NIPBL: variants seen among roughly 807,000 people sequenced by gnomAD.
NIPBL encodes the protein NIPBL cohesin loading factor, also known as nipped-B-like protein.
NIPBL carries 19 observed loss-of-function variants against 321.8 expected under a neutral mutation model. The ratio of observed to expected loss-of-function variants is 0.06; its 90% CI spans 0.04 to 0.09. NIPBL has a LOEUF of 0.09. Among genes scored for constraint, NIPBL ranks in the 10% least tolerant of loss-of-function variants. The pLI is 1.00. For missense variants in NIPBL, 2,210 were observed against 3,327.0 expected, an observed-to-expected ratio of 0.66 and a Z score of 8.26; for synonymous variants, 1,106 against 1,114.1, an observed-to-expected ratio of 0.99 and a Z score of 0.14.
chr5:36,961,373 A>G, intron 4 of NIPBL, 111 bp from the exon 5 acceptor site: 2 of 743,576 alleles, frequency 2.7e-6, no homozygotes, highest in Non-Finnish European at 4.8e-6. Flanking sequence ...AAATGAAAAC[A>G]TTGATCAAAA....
chr5:36,885,853 C>T (rs536002372), intron 1 of NIPBL: 13 of 709,100 alleles, frequency 1.8e-5, no homozygotes, highest in South Asian at 9.7e-5. Context: ...AGGAGAACCA[C>T]GAAGAGGAAG....
intron 1 of NIPBL, among the ~76,000 whole-genome samples, chr5:36,896,848 C>T (rs369163665): frequency 1.3e-5 from 2 of 152,252 alleles, no homozygotes; most frequent in East Asian, 3.9e-4. Context: ...GATCTGCCTG[C>T]CTTAGCCTCC....
intron 10 of NIPBL, among the ~76,000 whole-genome samples, chr5:36,987,476 G>A (rs988785180): frequency 3.3e-5 from 5 of 152,120 alleles, no homozygotes; most frequent in Non-Finnish European, 5.9e-5. Context: ...CAGTGTATTA[G>A]GAGATACAAA....
At chr5:36,970,803 T>A (rs1742768994) in intron 6 of NIPBL, 73 bp from the exon 7 acceptor site, 1 of 1,282,340 alleles carries the variant, frequency 7.8e-7, no homozygotes, top group Non-Finnish European at 1.1e-6. Context: ...TTAAAATATT[T>A]GTGAATAATT....
At chr5:36,981,691 G>A (rs528976865) in intron 9 of NIPBL, among the ~76,000 whole-genome samples, 1 of 151,716 alleles carries the variant, frequency 6.6e-6, no homozygotes, top group East Asian at 1.9e-4. Context: ...TGTCAAAGAG[G>A]GGGTTCCTTT....
At chr5:37,009,531 C>A (rs1289995975) in intron 20 of NIPBL, among the ~76,000 whole-genome samples, 3 of 152,106 alleles carry the variant, frequency 2.0e-5, no homozygotes, top group African/African-American at 7.2e-5. Context: ...TACTGATAAA[C>A]ATTTATTGTC....
chr5:36,896,455 A>C (rs1232988158), intron 1 of NIPBL, among the ~76,000 whole-genome samples: 2 of 152,180 alleles, frequency 1.3e-5, no homozygotes, highest in African/African-American at 4.8e-5. Context: ...ATTTTCTGCA[A>C]AATAGGCAGC....
intron 30 of NIPBL, 146 bp from the exon 31 acceptor site, chr5:37,026,083 A>C: frequency 1.6e-6 from 1 of 606,226 alleles, no homozygotes; most frequent in Non-Finnish European, 3.0e-6. Context: ...TTTAGAAAAA[A>C]CTGAGGAAAT....
chr5:36,993,183 T>A (rs540249438), intron 10 of NIPBL, among the ~76,000 whole-genome samples: 2 of 152,314 alleles, frequency 1.3e-5, no homozygotes, highest in South Asian at 4.1e-4. Flanking sequence ...TGAAACAGCG[T>A]TCACTTTTGG....
Position 36,996,699 on chromosome 5 carries a change from T to A in NIPBL, c.3304+895T>A. ...AGTGGAAACAGACTATGGGAGATCT[T>A]CACTTGTGTGCCAACTGACTTAGTC... On this transcript the variant is annotated intron_variant, in intron 11 of 46. Transcript: ENST00000282516. This position sits in a 1 kb window ranked among gnomAD's most constrained non-coding sequence, Gnocchi z 5.0. 6.2e-6 allele frequency: 2 copies of A among 323,658 alleles called. No individual in the cohort carries two copies. The highest frequency in any genetic ancestry group is 2.4e-5 in the South Asian group (1 of 41,086). 20.0% of individuals were successfully genotyped at this position (323,658 alleles called of 1,614,324 possible). A position where few individuals can be genotyped will look rare whatever the true frequency, so the allele number is the denominator to read the frequency against.
chr5:36,963,268 T>C (rs891507196), intron 6 of NIPBL, among the ~76,000 whole-genome samples: 2 of 152,278 alleles, frequency 1.3e-5, no homozygotes, highest in African/African-American at 4.8e-5. Context: ...TTGTCCTCCT[T>C]AATTAACAGC....
intron 30 of NIPBL, among the ~76,000 whole-genome samples, chr5:37,025,126 G>A (rs749358187): frequency 1.5e-4 from 23 of 152,154 alleles, no homozygotes; most frequent in Non-Finnish European, 3.1e-4. Flanking sequence ...AGTAGAGCAT[G>A]CCTATAGTTC....
In NIPBL at chr5:37,046,157, C is replaced by T; in HGVS notation, c.6547C>T (p.His2183Tyr). 4 of 1,582,920 alleles carry T rather than the reference C, an allele frequency of 2.5e-6. No individual in the cohort carries two copies. Among genetic ancestry groups the T allele is most frequent in the Non-Finnish European group, 3.5e-6 (4 of 1,151,792 alleles). The change falls in exon 38 of 47, where the codon CAC (histidine) becomes TAC (tyrosine). Residue 2183 changes from histidine to tyrosine, a missense_variant. His to Tyr is a moderately conservative substitution (Grantham distance 83, BLOSUM62 2). Transcript: ENST00000282516. Reference sequence around the variant, plus strand: ...TGAACTATTGATGTATTTTACAAAACACTCAGATGAAGAAGTACAAACAAA... The same window carrying T: ...TGAACTATTGATGTATTTTACAAAATACTCAGATGAAGAAGTACAAACAAA... ...VLELLMYFTK[H>Y]SDEEVQTKAI...
chr5:36,942,988 C>A (rs569355918), intron 1 of NIPBL, among the ~76,000 whole-genome samples: 37 of 151,968 alleles, frequency 2.4e-4, no homozygotes, highest in African/African-American at 8.9e-4. Context: ...CCGCAGTAAT[C>A]TTTAGTTAAA....
At chr5:36,964,426 CA>C (rs1741984835) in intron 6 of NIPBL, among the ~76,000 whole-genome samples, 1 of 151,944 alleles carries the variant, frequency 6.6e-6, no homozygotes, top group Admixed American at 6.6e-5. Context: ...ATAGAGAATC[CA>C]GATATAAATA....
At chr5:37,003,213 A>G (rs745546604) in intron 15 of NIPBL, 48 bp from the exon 16 acceptor site, 2 of 1,059,868 alleles carry the variant, frequency 1.9e-6, no homozygotes, top group Non-Finnish European at 3.0e-6. Context: ...CTTGAATAAT[A>G]TATAACTTTT....
At chr5:36,983,440 G>GA (rs796894390) in intron 9 of NIPBL, among the ~76,000 whole-genome samples, 31 of 150,770 alleles carry the variant, frequency 2.1e-4, no homozygotes, top group African/African-American at 6.1e-4. Context: ...TTACCATTAG[G>GA]AAAAAAAAAT....
At chr5:37,045,335 C>CA in intron 36 of NIPBL, 108 bp from the exon 37 acceptor site, 1 of 791,582 alleles carries the variant, frequency 1.3e-6, no homozygotes. Flanking sequence ...GCCTGGGTGA[C>CA]AGTGAGACTC....
At position 37,010,138 on chromosome 5, in the gene NIPBL, A is replaced by C. The variant is rs1747938419; in HGVS notation, c.4473A>C (p.Thr1491=). The change falls in exon 21 of 47, where the codon ACA becomes ACC. Residue 1491 remains threonine (T), a synonymous_variant. Transcript: ENST00000282516. The part of the protein sequence containing the change: ...DGEPMYIQMV[T]ALVLQLIQCV... Reference sequence around the variant, plus strand: ...AACCTATGTATATTCAGATGGTTACAGCACTGGTTTTACAACTTATTCAGT... The same window carrying C: ...AACCTATGTATATTCAGATGGTTACCGCACTGGTTTTACAACTTATTCAGT... The C allele has an allele frequency of 6.2e-7, 1 of 1,612,452 alleles. No homozygotes were observed. Among genetic ancestry groups the C allele is most frequent in the Non-Finnish European group, 8.5e-7 (1 of 1,178,718 alleles).
Sources: gnomAD v4.1 joint callset for allele counts (sites outside exome capture counted in the v4.1 genomes callset) on GRCh38, gnomAD v4.1.1 for gene constraint, Gnocchi (gnomAD v3.1) non-coding constraint, MANE v1.5 for transcripts, NCBI Gene and HGNC (gene_info 2026-07-23, HGNC 2026-07-21) for gene names.